FUT9: variants seen among roughly 807,000 people sequenced by gnomAD.
FUT9 encodes 4-galactosyl-N-acetylglucosaminide 3-alpha-L-fucosyltransferase 9.
A neutral mutation model predicts 29.7 loss-of-function variants in FUT9; 15 were observed. The observed-to-expected ratio is 0.51, with a 90% CI of 0.34 to 0.78. FUT9 has a LOEUF of 0.78. Ranked by LOEUF, FUT9 falls within the 30% of genes least tolerant of loss-of-function variation. FUT9 has a pLI of 0.01. For missense variants in FUT9, 319 were observed against 425.4 expected, an observed-to-expected ratio of 0.75 and a Z score of 2.20; for synonymous variants, 169 against 153.7, an observed-to-expected ratio of 1.10 and a Z score of -0.74.
chr6:96,106,079 G>C (rs1440011664), intron 1 of FUT9, among the ~76,000 whole-genome samples: 1 of 150,062 alleles, frequency 6.7e-6, no homozygotes, highest in East Asian at 1.9e-4. Flanking sequence ...GGTCAGGAAA[G>C]AGAGAAAGCC....
intron 1 of FUT9, among the ~76,000 whole-genome samples, chr6:96,036,214 A>G (rs771823393): frequency 5.0e-4 from 76 of 150,626 alleles, no homozygotes; most frequent in Non-Finnish European, 6.5e-4. Context: ...CTATATAAAT[A>G]CTAAATAGCT....
intron 2 of FUT9, among the ~76,000 whole-genome samples, chr6:96,139,726 C>T (rs1197307837): frequency 6.6e-6 from 1 of 152,138 alleles, no homozygotes; most frequent in East Asian, 1.9e-4. Flanking sequence ...AGGTTTGGAG[C>T]TTGCACCCTC....
intron 1 of FUT9, among the ~76,000 whole-genome samples, chr6:96,067,107 T>C (rs1770974791): frequency 6.6e-6 from 1 of 151,112 alleles, no homozygotes; most frequent in African/African-American, 2.4e-5. Flanking sequence ...GAGGAATTCC[T>C]AGCTTAAAGG....
intron 2 of FUT9, among the ~76,000 whole-genome samples, chr6:96,202,027 C>G (rs1337957119): frequency 6.6e-6 from 1 of 151,720 alleles, no homozygotes; most frequent in African/African-American, 2.4e-5. Flanking sequence ...TAGTTTCTGT[C>G]AAAATTTCAA....
intron 1 of FUT9, among the ~76,000 whole-genome samples, chr6:96,037,947 G>A (rs1483165279): frequency 6.6e-6 from 1 of 152,006 alleles, no homozygotes; most frequent in Non-Finnish European, 1.5e-5. Context: ...GGTATTAGAA[G>A]TTTCCAGACA....
intron 2 of FUT9, among the ~76,000 whole-genome samples, chr6:96,163,461 C>T (rs1490749544): frequency 2.0e-5 from 3 of 152,158 alleles, no homozygotes; most frequent in Non-Finnish European, 4.4e-5. Context: ...GTAACAGTAG[C>T]TGAGCTGAGC....
At chr6:96,124,067 T>C (rs773750224) in intron 2 of FUT9, among the ~76,000 whole-genome samples, 1 of 152,066 alleles carries the variant, frequency 6.6e-6, no homozygotes, top group Non-Finnish European at 1.5e-5. Flanking sequence ...GTCAAGAAAT[T>C]ATATAATTAC....
intron 2 of FUT9, among the ~76,000 whole-genome samples, chr6:96,139,450 T>TGA (rs1042387283): frequency 6.6e-6 from 1 of 152,176 alleles, no homozygotes; most frequent in African/African-American, 2.4e-5. Context: ...TATCTATTAT[T>TGA]CTGCAGTCTG....
intron 2 of FUT9, among the ~76,000 whole-genome samples, chr6:96,125,536 T>TA (rs1772118299): frequency 6.6e-6 from 1 of 152,210 alleles, no homozygotes; most frequent in South Asian, 2.1e-4. Context: ...GTAAGCTCAG[T>TA]CTTTACAATT....
intron 2 of FUT9, among the ~76,000 whole-genome samples, chr6:96,136,802 A>AT (rs1772356738): frequency 6.6e-6 from 1 of 152,006 alleles, no homozygotes; most frequent in Non-Finnish European, 1.5e-5. Context: ...GCAGAAAAAA[A>AT]ATAATTGCGA....
At chr6:96,130,484 C>T (rs534361769) in intron 2 of FUT9, among the ~76,000 whole-genome samples, 5 of 152,044 alleles carry the variant, frequency 3.3e-5, no homozygotes, top group African/African-American at 7.2e-5. Flanking sequence ...TAACTCCCAT[C>T]CTTTTTTGAA....
At chr6:96,037,095 G>A (rs888063161) in intron 1 of FUT9, 13 of 151,976 alleles carry the variant, frequency 8.6e-5, no homozygotes, top group African/African-American at 3.1e-4. Flanking sequence ...AGGATTCTAT[G>A]AGTCCCAAGA....
intron 1 of FUT9, among the ~76,000 whole-genome samples, chr6:96,069,777 C>T (rs1009854110): frequency 9.2e-5 from 14 of 151,914 alleles, no homozygotes; most frequent in Admixed American, 3.3e-4. Flanking sequence ...ACTACAGGCG[C>T]GCGCCACCAT....
chr6:96,148,205 A>G (rs1562142685), intron 2 of FUT9, among the ~76,000 whole-genome samples: 1 of 152,286 alleles, frequency 6.6e-6, no homozygotes, highest in East Asian at 1.9e-4. Context: ...TTGGAATGTA[A>G]AAATCTAAGT....
At chr6:96,115,378 G>C (rs1771891195) in intron 2 of FUT9, among the ~76,000 whole-genome samples, 2 of 152,090 alleles carry the variant, frequency 1.3e-5, no homozygotes, top group Admixed American at 1.3e-4. Context: ...AATCCAGTGT[G>C]TACTTATAGC....
chr6:96,020,800 G>A (rs904128197), intron 1 of FUT9: 1 of 152,134 alleles, frequency 6.6e-6, no homozygotes, highest in Non-Finnish European at 1.5e-5. Context: ...TTCAAAAGCT[G>A]AGGCATTGAT....
intron 1 of FUT9, among the ~76,000 whole-genome samples, chr6:96,074,306 G>C (rs903762440): frequency 6.6e-6 from 1 of 152,082 alleles, no homozygotes. Flanking sequence ...GCATTTACAA[G>C]CAGAGCTAGA....
chr6:96,059,191 C>T (rs1196331372), intron 1 of FUT9, among the ~76,000 whole-genome samples: 1 of 152,154 alleles, frequency 6.6e-6, no homozygotes, highest in South Asian at 2.1e-4. Flanking sequence ...GTGTATATCA[C>T]ACTAAAGAAG....
Position 96,207,777 on chromosome 6 carries a change from T to C in FUT9, c.*3542T>C, listed in dbSNP as rs1238213256. 6.0e-6 allele frequency: 1 copy of C among 166,974 alleles called. No homozygotes were observed. Among genetic ancestry groups the C allele is most frequent in the Non-Finnish European group, 1.5e-5 (1 of 68,060 alleles). The allele number at this position is 166,974 out of a possible 1,614,324, so 10.3% of individuals were successfully genotyped here. A position where few individuals can be genotyped will look rare whatever the true frequency, so the allele number is the denominator to read the frequency against. On this transcript the variant is annotated 3_prime_UTR_variant, in exon 3 of 3. Coordinates refer to ENST00000302103, the MANE Select transcript of FUT9 (RefSeq NM_006581.4). ...AATATCGAAAAGCTATTACCTTCAA[T>C]ACTCTAAATATTTAAATATTAATTA...
Sources: gnomAD v4.1 joint callset for allele counts (sites outside exome capture counted in the v4.1 genomes callset) on GRCh38, gnomAD v4.1.1 for gene constraint, MANE v1.5 for transcripts, NCBI Gene and HGNC (gene_info 2026-07-23, HGNC 2026-07-21) for gene names.